Variants in ARHGAP28 observed in about 807,000 individuals in gnomAD.
ARHGAP28 encodes rho GTPase-activating protein 28.
A neutral mutation model predicts 90.7 loss-of-function variants in ARHGAP28; 56 were observed. The observed-to-expected ratio is 0.62, with a 90% CI of 0.50 to 0.77. The LOEUF is 0.77. ARHGAP28 is among the 30% of genes least tolerant of loss of function. ARHGAP28 has a pLI of 0.00. For synonymous variants in ARHGAP28, 308 were observed against 323.3 expected (o/e 0.95, Z 0.51); for missense variants, 869 against 900.9 (o/e 0.96, Z 0.45).
intron 2 of ARHGAP28, among the ~76,000 whole-genome samples, chr18:6,826,253 TTGTTGTC>T (rs1265959881): frequency 3.9e-5 from 6 of 152,116 alleles, no homozygotes; most frequent in Non-Finnish European, 7.4e-5. Flanking sequence ...TTTCATGTAT[TTGTTGTC>T]TGTTTGTATG....
At chr18:6,736,887 G>A (rs1263670272) in intron 1 of ARHGAP28, among the ~76,000 whole-genome samples, 1 of 150,698 alleles carries the variant, frequency 6.6e-6, no homozygotes, top group Non-Finnish European at 1.5e-5. Flanking sequence ...GTACCTGATG[G>A]AAAACATTTT....
At chr18:6,887,285 C>T (rs1255435185) in intron 12 of ARHGAP28, 46 bp downstream of exon 12, 4 of 1,556,790 alleles carry the variant, frequency 2.6e-6, no homozygotes, top group East Asian at 2.2e-5. Flanking sequence ...TCTTATTGCT[C>T]AGAGGACATG....
intron 1 of ARHGAP28, among the ~76,000 whole-genome samples, chr18:6,755,639 A>T (rs574792892): frequency 6.6e-6 from 1 of 152,362 alleles, no homozygotes; most frequent in African/African-American, 2.4e-5. Flanking sequence ...ATATTTTATT[A>T]TTCAAAATGA....
intron 1 of ARHGAP28, among the ~76,000 whole-genome samples, chr18:6,761,831 G>A (rs950774503): frequency 6.6e-6 from 1 of 152,148 alleles, no homozygotes; most frequent in African/African-American, 2.4e-5. Context: ...GCCAAGTTAT[G>A]TTATCTCATT....
In ARHGAP28 at chr18:6,873,437, G is replaced by T; in HGVS notation, c.983G>T (p.Gly328Val). Residue 328 changes from glycine to valine, a missense_variant, in exon 8 of 18, where the codon GGC becomes GTC. Physicochemically the swap from Gly to Val is moderately radical, Grantham distance 109 (BLOSUM62 -3). Transcript: ENST00000383472. ...TKFNVQKTRF[G>V]LTEAGDLSAE... ...TTTAATGTTCAGAAAACCAGATTTG[G>T]CTTAACTGAAGCAGGAGATCTGTCT... 1 of 1,610,604 alleles carries T rather than the reference G, an allele frequency of 6.2e-7. No individual in the cohort carries two copies. Among genetic ancestry groups the T allele is most frequent in the Non-Finnish European group, 8.5e-7 (1 of 1,179,270 alleles).
intron 3 of ARHGAP28, 30 bp from the exon 4 acceptor site, chr18:6,851,004 G>A: frequency 6.2e-7 from 1 of 1,612,194 alleles, no homozygotes; most frequent in Non-Finnish European, 8.5e-7. Context: ...GATATGCCTG[G>A]ATAAACGTGG....
intron 3 of ARHGAP28, among the ~76,000 whole-genome samples, chr18:6,848,228 C>A (rs892295449): frequency 1.3e-5 from 2 of 152,140 alleles, no homozygotes; most frequent in Admixed American, 6.5e-5. Context: ...GCAAAACAGG[C>A]CTTCCTGGGG....
intron 1 of ARHGAP28, among the ~76,000 whole-genome samples, chr18:6,799,617 A>C (rs929417886): frequency 6.6e-6 from 1 of 152,216 alleles, no homozygotes; most frequent in African/African-American, 2.4e-5. Context: ...ACCTGACAAA[A>C]ACAAGCAATG....
At chr18:6,731,004 A>G (rs367712819) in intron 1 of ARHGAP28, among the ~76,000 whole-genome samples, 11 of 152,322 alleles carry the variant, frequency 7.2e-5, no homozygotes, top group African/African-American at 2.6e-4. Flanking sequence ...TTTGGCTAGT[A>G]TCCATGAGAA....
intron 1 of ARHGAP28, among the ~76,000 whole-genome samples, chr18:6,816,485 A>G (rs2056591466): frequency 6.6e-6 from 1 of 152,160 alleles, no homozygotes; most frequent in Non-Finnish European, 1.5e-5. Flanking sequence ...GCTCACTGCA[A>G]TCAGTATCCA....
At chr18:6,805,580 G>A (rs1421288311) in intron 1 of ARHGAP28, among the ~76,000 whole-genome samples, 2 of 146,834 alleles carry the variant, frequency 1.4e-5, no homozygotes, top group Non-Finnish European at 3.0e-5. Flanking sequence ...CTGCCTCCCG[G>A]GTTCAAACGA....
intron 1 of ARHGAP28, among the ~76,000 whole-genome samples, chr18:6,730,493 A>G (rs2055871355): frequency 6.6e-6 from 1 of 151,978 alleles, no homozygotes; most frequent in African/African-American, 2.4e-5. Context: ...GTATAAAGGC[A>G]TTGGTGTCAT....
chr18:6,827,547 C>A, intron 2 of ARHGAP28, among the ~76,000 whole-genome samples: 1 of 144,214 alleles, frequency 6.9e-6, no homozygotes, highest in South Asian at 2.3e-4. Flanking sequence ...GGGGGCTGAC[C>A]CCCCCACCTC....
chr18:6,802,335 CTTTTTTTTTTTTTTT>C (rs35950139), intron 1 of ARHGAP28, among the ~76,000 whole-genome samples: 3 of 52,754 alleles, frequency 5.7e-5, no homozygotes, highest in Admixed American at 2.5e-4. Context: ...TATGGTAGTT[CTTTTTTTTTTTTTTT>C]TTTTTTTTTT....
At chr18:6,820,656 A>G (rs892889405) in intron 1 of ARHGAP28, among the ~76,000 whole-genome samples, 2 of 152,248 alleles carry the variant, frequency 1.3e-5, no homozygotes, top group African/African-American at 4.8e-5. Flanking sequence ...AACAGATACT[A>G]TATTTAAAAG....
At chr18:6,781,555 T>A (rs538324021) in intron 1 of ARHGAP28, among the ~76,000 whole-genome samples, 2 of 152,292 alleles carry the variant, frequency 1.3e-5, no homozygotes, top group Admixed American at 6.5e-5. Context: ...CTGCCCATTC[T>A]TCTTGCCCTG....
At chr18:6,873,811 G>A (rs2057109352) in intron 9 of ARHGAP28, 36 bp downstream of exon 9, 1 of 1,549,312 alleles carries the variant, frequency 6.5e-7, no homozygotes, top group Non-Finnish European at 8.9e-7. Flanking sequence ...AATTCACAGA[G>A]CCTCATGCTT....
At chr18:6,820,943 AAC>A (rs2056622717) in intron 1 of ARHGAP28, among the ~76,000 whole-genome samples, 1 of 152,238 alleles carries the variant, frequency 6.6e-6, no homozygotes, top group African/African-American at 2.4e-5. Context: ...CTGTTGTGGA[AAC>A]ACAGATATGT....
intron 1 of ARHGAP28, chr18:6,730,226 T>TATAG: frequency 4.9e-6 from 1 of 204,828 alleles, no homozygotes; most frequent in Non-Finnish European, 9.5e-6. Context: ...CATGTGTATA[T>TATAG]ATATATATAT....
Sources: gnomAD v4.1 joint callset for allele counts (sites outside exome capture counted in the v4.1 genomes callset) on GRCh38, gnomAD v4.1.1 for gene constraint, MANE v1.5 for transcripts, NCBI Gene and HGNC (gene_info 2026-07-23, HGNC 2026-07-21) for gene names.